Variants in CHST7 observed in about 807,000 individuals in gnomAD.
The protein encoded by CHST7 is carbohydrate sulfotransferase 7.
CHST7 carries 5 observed loss-of-function variants against 9.0 expected under a neutral mutation model. The ratio of observed to expected loss-of-function variants is 0.56; its 90% CI spans 0.29 to 1.17. CHST7 has a LOEUF of 1.17. Among genes scored for constraint, CHST7 ranks in the 50% most tolerant of loss-of-function variants. The probability of loss-of-function intolerance (pLI) is 0.08; values close to 1 mark genes in which losing one functional copy is unlikely to be tolerated. For missense variants in CHST7, 377 were observed against 485.1 expected (o/e 0.78, Z 2.09); for synonymous variants, 244 against 237.1 (o/e 1.03, Z -0.27).
chrX:46,574,507 C>T lies in CHST7; in HGVS notation c.576C>T (p.Leu192=). 2 of 1,207,136 alleles carry T rather than the reference C, an allele frequency of 1.7e-6. No individual in the cohort carries two copies. The highest frequency in any genetic ancestry group is 2.2e-6 in the Non-Finnish European group (2 of 893,093). Residue 192 remains leucine, a synonymous_variant, in exon 1 of 2, where the codon CTC becomes CTT. Transcript: ENST00000276055. ...CGGCCAATCTTACCACGGCCGCCCT[C>T]TTCCGCTGGCGGACTAACAAGGTCA... The part of the protein sequence containing the change: ...PDTANLTTAA[L]FRWRTNKVIC...
intron 1 of CHST7, among the ~76,000 whole-genome samples, chrX:46,578,468 A>G (rs1290924838): frequency 8.4e-5 from 9 of 107,166 alleles, no homozygotes; most frequent in Admixed American, 7.0e-4. Context: ...GTGCAATGTC[A>G]TGGCTCACTG....
chrX:46,592,298 G>A (rs1300280726), intron 1 of CHST7, among the ~76,000 whole-genome samples: 1 of 111,283 alleles, frequency 9.0e-6, no homozygotes, highest in African/African-American at 3.3e-5. Flanking sequence ...GGTAATGTTT[G>A]TCTTCTCTTT....
chrX:46,578,023 C>T (rs2179208), intron 1 of CHST7, among the ~76,000 whole-genome samples: 5,910 of 110,472 alleles, frequency 0.053, 314 homozygotes, highest in East Asian at 0.16. Flanking sequence ...GTGAGGGAGT[C>T]AGTGAAGTTT....
Position 46,573,930 on chromosome X carries a change from C to A in CHST7, c.-2C>A, listed in dbSNP as rs1460282689. ...CGACCCGCTCTGGAGGGTCGGTGAA[C>A]GATGAAGGGCCGGCGGCGGCGACGC... On this transcript the variant is annotated 5_prime_UTR_variant, in exon 1 of 2. Transcript: ENST00000276055. The A allele has an allele frequency of 8.7e-6, 10 of 1,155,751 alleles. No homozygotes were observed. Among genetic ancestry groups the A allele is most frequent in the Non-Finnish European group, 9.2e-6 (8 of 872,713 alleles).
intron 1 of CHST7, among the ~76,000 whole-genome samples, chrX:46,581,170 G>T (rs1337602551): frequency 9.4e-6 from 1 of 106,868 alleles, no homozygotes; most frequent in African/African-American, 3.4e-5. Flanking sequence ...TGGAGGCAAA[G>T]GTTGAAGTGA....
chrX:46,591,067 C>T (rs138537866), intron 1 of CHST7, among the ~76,000 whole-genome samples: 1,226 of 112,036 alleles, frequency 0.011, 21 homozygotes, highest in African/African-American at 0.038. Flanking sequence ...ATGGTTGTAC[C>T]AGTTTGTTTA....
At position 46,574,589 on chromosome X, in the gene CHST7, G is replaced by A; in HGVS notation, c.658G>A (p.Val220Ile). ...APRARAEVGL[V>I]EDTACERSCP... The stretch of plus-strand genomic sequence containing the variant: ...CCGTGCCCGGGCCGAGGTGGGCCTC[G>A]TCGAGGACACCGCCTGCGAGCGCAG... Residue 220 changes from valine to isoleucine, a missense_variant, in exon 1 of 2, where the codon GTC becomes ATC. By Grantham distance (29) the Val-to-Ile change is conservative. Transcript: ENST00000276055. The A allele has an allele frequency of 8.3e-7, 1 of 1,204,135 alleles. No homozygotes were observed. The highest frequency in any genetic ancestry group is 1.1e-6 in the Non-Finnish European group (1 of 891,495).
chrX:46,578,904 A>G (rs1252823597), intron 1 of CHST7, among the ~76,000 whole-genome samples: 1 of 111,287 alleles, frequency 9.0e-6, no homozygotes, highest in Non-Finnish European at 1.9e-5. Context: ...TTACATTTAC[A>G]TGAGGAGCTT....
chrX:46,582,092 A>G (rs868747892), intron 1 of CHST7, among the ~76,000 whole-genome samples: 1 of 111,412 alleles, frequency 9.0e-6, no homozygotes, highest in African/African-American at 3.3e-5. Context: ...TGCTTTGAAA[A>G]TCTTCCCGTT....
chrX:46,576,166 C>G (rs1335987657), intron 1 of CHST7, among the ~76,000 whole-genome samples: 1 of 104,761 alleles, frequency 9.5e-6, no homozygotes, highest in Non-Finnish European at 2.0e-5. Flanking sequence ...CTCATTTCCC[C>G]TCTCCCTCTC....
intron 1 of CHST7, among the ~76,000 whole-genome samples, chrX:46,584,397 C>T (rs1335064289): frequency 2.1e-5 from 2 of 95,626 alleles, no homozygotes; most frequent in African/African-American, 4.2e-5. Flanking sequence ...ATTAGCCAGG[C>T]GTGGTGGCAC....
In CHST7 at chrX:46,589,433, C is replaced by T. The variant is rs184416058; in HGVS notation, c.*32-8327C>T. Among the ~76,000 whole-genome samples, 17 of 109,650 alleles carry T rather than the reference C, an allele frequency of 1.6e-4. No homozygotes were observed. The East Asian group carries it at 4.9e-3, about 31-fold the overall frequency. ...GGTGTGGTGGCAGGCACCTGTAATC[C>T]CAACTACTCGGGAGGCTGAGGCCAG... On this transcript the variant is annotated intron_variant, in intron 1 of 1. Coordinates refer to ENST00000276055, the MANE Select transcript of CHST7 (RefSeq NM_019886.4).
rs1199543990 is a variant in CHST7, at chrX:46,598,414, T to TTTG, written c.*689_*691dup. ...GAGTCATGTTAATGACAGGATTTGT[T>TTTG]TTGTTTGGATGCAGTTCAATTGCAT... On this transcript the variant is annotated 3_prime_UTR_variant, in exon 2 of 2. Transcript: ENST00000276055. The TTTG allele has an allele frequency of 8.9e-6, 1 of 112,662 alleles. No individual in the cohort carries two copies. The highest frequency in any genetic ancestry group is 9.4e-5 in the Admixed American group (1 of 10,661). The allele number at this position is 112,662 out of a possible 1,213,427, so 9.3% of individuals were successfully genotyped here.
In CHST7 at chrX:46,574,211, G is replaced by T; in HGVS notation, c.280G>T (p.Gly94Trp). 8.3e-7 allele frequency: 1 copy of T among 1,207,719 alleles called. No homozygotes were observed. The highest frequency in any genetic ancestry group is 1.1e-6 in the Non-Finnish European group (1 of 893,090). ...RFPSNLSGAV[G>W]EAVSREKQHI... Reference sequence around the variant, plus strand: ...CCCAAGCAACCTCAGCGGCGCTGTCGGGGAGGCAGTGTCTCGCGAGAAGCA... The same window carrying T: ...CCCAAGCAACCTCAGCGGCGCTGTCTGGGAGGCAGTGTCTCGCGAGAAGCA... Residue 94 changes from glycine (G) to tryptophan (W), a missense_variant, in exon 1 of 2, where the codon GGG becomes TGG. Gly to Trp is a radical substitution (Grantham distance 184). Around this residue, in one of 3 missense-constraint regions of CHST7, gnomAD observed 239 missense variants for 325.7 expected, o/e 0.73. Transcript: ENST00000276055.
Position 46,573,972 on chromosome X carries a change from T to G in CHST7, c.41T>G (p.Phe14Cys). Residue 14 changes from phenylalanine (F) to cysteine (C), a missense_variant, in exon 1 of 2, where the codon TTC (phenylalanine) becomes TGC (cysteine). Phe to Cys is a radical substitution (Grantham distance 205). This residue lies in a region of CHST7 where 239 missense variants were observed against 325.7 expected (regional missense o/e 0.73). Coordinates refer to ENST00000276055, the MANE Select transcript of CHST7 (RefSeq NM_019886.4). ...CGGCGACGCCGAGAGTACTGCAAGT[T>G]CGCGCTGCTGTTGGTGCTGTACACG... is the stretch of plus-strand genomic sequence containing the variant. ...RRRRRREYCK[F>C]ALLLVLYTLV... 1 of 1,155,441 alleles carries G rather than the reference T, an allele frequency of 8.7e-7. No homozygotes were observed.
At chrX:46,578,269 CTTTTTTTTTTTT>C (rs3071957) in intron 1 of CHST7, among the ~76,000 whole-genome samples, 17 of 51,342 alleles carry the variant, frequency 3.3e-4, no homozygotes, top group Non-Finnish European at 4.3e-4. Context: ...CTGCCATGCT[CTTTTTTTTTTTT>C]TTTTTTTTTT....
intron 1 of CHST7, among the ~76,000 whole-genome samples, chrX:46,595,697 C>T (rs1942590662): frequency 9.0e-6 from 1 of 111,503 alleles, no homozygotes; most frequent in South Asian, 3.7e-4. Flanking sequence ...TCATAGTATT[C>T]CTCAGTTGCC....
At chrX:46,596,086 C>T (rs1230494374) in intron 1 of CHST7, among the ~76,000 whole-genome samples, 1 of 106,926 alleles carries the variant, frequency 9.4e-6, no homozygotes, top group Non-Finnish European at 1.9e-5. Context: ...TGCAGTGAGC[C>T]GAGATCATTG....
At chrX:46,590,922 T>C (rs1279271788) in intron 1 of CHST7, among the ~76,000 whole-genome samples, 2 of 112,507 alleles carry the variant, frequency 1.8e-5, no homozygotes, top group Non-Finnish European at 3.7e-5. Context: ...AATAATGTTA[T>C]ATAATGGAAT....
Sources: allele counts gnomAD v4.1 joint callset (sites outside exome capture counted in the v4.1 genomes callset), GRCh38; gene constraint gnomAD v4.1.1; regional missense constraint gnomAD v4.1.1; transcripts MANE v1.5; gene names NCBI Gene and HGNC (gene_info 2026-07-23, HGNC 2026-07-21).